The following TBC1D5 variants were observed in gnomAD, a reference collection of about 807,000 sequenced individuals.
The protein encoded by TBC1D5 is TBC1 domain family member 5, also known as TBC1 domain family, member 5.
In TBC1D5, 75 loss-of-function variants were observed where a neutral mutation model predicts 100.3. The observed-to-expected ratio is 0.75, with a 90% CI of 0.62 to 0.91. TBC1D5 has a LOEUF of 0.91. Among genes scored for constraint, TBC1D5 ranks in the 40% least tolerant of loss-of-function variants. The pLI is 0.00. For missense variants in TBC1D5, 910 were observed against 942.4 expected, an observed-to-expected ratio of 0.97 and a Z score of 0.45; for synonymous variants, 323 against 325.6, an observed-to-expected ratio of 0.99 and a Z score of 0.09.
chr3:17,571,086 C>G (rs1447067171), intron 2 of TBC1D5, among the ~76,000 whole-genome samples: 1 of 151,622 alleles, frequency 6.6e-6, no homozygotes, highest in Non-Finnish European at 1.5e-5. Flanking sequence ...TTTTCTTAGG[C>G]TATAAGAGAA....
At chr3:17,501,070 A>G (rs2095782737) in intron 3 of TBC1D5, among the ~76,000 whole-genome samples, 1 of 149,694 alleles carries the variant, frequency 6.7e-6, no homozygotes, top group Admixed American at 6.6e-5. Context: ...TGCATTCAGA[A>G]ACTTCCAGGT....
At chr3:17,570,644 T>G (rs1166437736) in intron 2 of TBC1D5, among the ~76,000 whole-genome samples, 1 of 152,016 alleles carries the variant, frequency 6.6e-6, no homozygotes, top group Non-Finnish European at 1.5e-5. Context: ...AAGTTGCAGA[T>G]GTTATTCTAC....
At chr3:17,706,587 ACT>A (rs1269658716) in intron 1 of TBC1D5, among the ~76,000 whole-genome samples, 1 of 152,092 alleles carries the variant, frequency 6.6e-6, no homozygotes, top group Non-Finnish European at 1.5e-5. Flanking sequence ...TTAAGGATTA[ACT>A]CTACTATTAC....
At chr3:17,602,560 G>C (rs988346623) in intron 2 of TBC1D5, among the ~76,000 whole-genome samples, 4 of 114,098 alleles carry the variant, frequency 3.5e-5, no homozygotes, top group Admixed American at 9.1e-5. Context: ...GAGAGAATCA[G>C]ATTTTTTTTT....
chr3:17,479,131 C>T (rs546956560), intron 3 of TBC1D5, among the ~76,000 whole-genome samples: 9 of 152,144 alleles, frequency 5.9e-5, no homozygotes, highest in South Asian at 4.1e-4. Context: ...CTGGACGTGG[C>T]GGCTCACATC....
At chr3:17,735,161 A>G (rs1421423230) in intron 1 of TBC1D5, among the ~76,000 whole-genome samples, 1 of 152,164 alleles carries the variant, frequency 6.6e-6, no homozygotes, top group Non-Finnish European at 1.5e-5. Flanking sequence ...ACCCATAACA[A>G]TTTCTCCTAA....
chr3:17,687,055 G>A lies in TBC1D5; in HGVS notation c.-101+52288C>T, dbSNP rs193179149. Among the ~76,000 whole-genome samples, 153 of 152,198 alleles carry A rather than the reference G, an allele frequency of 1.0e-3. 2 individuals are homozygous for A. In the South Asian group the frequency reaches 0.018, roughly 18 times the overall value. Reference sequence around the variant, plus strand: ...GTGAAATATCCTGGATAAAAAAAGTGTATCCTTGGGAGACCGGGTATATGG... The same window carrying A: ...GTGAAATATCCTGGATAAAAAAAGTATATCCTTGGGAGACCGGGTATATGG... On this transcript the variant is annotated intron_variant, in intron 1 of 21. Transcript: ENST00000253692.
intron 13 of TBC1D5, among the ~76,000 whole-genome samples, chr3:17,341,502 C>A (rs768224458): frequency 4.6e-5 from 7 of 152,066 alleles, no homozygotes; most frequent in Non-Finnish European, 8.8e-5. Flanking sequence ...GGCCTAAAAT[C>A]TGAATTCTTA....
At chr3:17,627,323 A>T (rs1168709872) in intron 1 of TBC1D5, among the ~76,000 whole-genome samples, 1 of 152,252 alleles carries the variant, frequency 6.6e-6, no homozygotes, top group East Asian at 1.9e-4. Flanking sequence ...GGACAGAGGG[A>T]TGGAAACATA....
intron 2 of TBC1D5, among the ~76,000 whole-genome samples, chr3:17,580,178 A>C (rs888169494): frequency 1.3e-5 from 2 of 152,162 alleles, no homozygotes; most frequent in Non-Finnish European, 2.9e-5. Context: ...CTGCAGCTTG[A>C]TGGTTCTCCA....
chr3:17,340,119 G>C (rs939212470), intron 13 of TBC1D5, among the ~76,000 whole-genome samples: 1 of 152,294 alleles, frequency 6.6e-6, no homozygotes, highest in South Asian at 2.1e-4. Flanking sequence ...GAGCTCCCCA[G>C]ATGGAAGTGA....
At chr3:17,294,710 G>A (rs980926803) in intron 14 of TBC1D5, among the ~76,000 whole-genome samples, 6 of 152,206 alleles carry the variant, frequency 3.9e-5, no homozygotes, top group Admixed American at 1.3e-4. Context: ...CAGAGACTAT[G>A]CTAGGCACCT....
intron 1 of TBC1D5, among the ~76,000 whole-genome samples, chr3:17,667,960 C>A (rs1434465269): frequency 6.6e-6 from 1 of 151,432 alleles, no homozygotes; most frequent in African/African-American, 2.4e-5. Flanking sequence ...AAACCATAAA[C>A]AACCACTGAC....
intron 1 of TBC1D5, among the ~76,000 whole-genome samples, chr3:17,671,231 A>G (rs2067899938): frequency 6.6e-6 from 1 of 152,236 alleles, no homozygotes; most frequent in South Asian, 2.1e-4. Context: ...TACAATACAG[A>G]TGCAGAAGGA....
At chr3:17,278,831 T>C (rs1038522732) in intron 15 of TBC1D5, among the ~76,000 whole-genome samples, 11 of 152,222 alleles carry the variant, frequency 7.2e-5, no homozygotes, top group African/African-American at 2.7e-4. Flanking sequence ...AGGTGTTGTG[T>C]TTCTGTGTTT....
chr3:17,701,470 T>TATA (rs777595130), intron 1 of TBC1D5, among the ~76,000 whole-genome samples: 1 of 151,864 alleles, frequency 6.6e-6, no homozygotes, highest in Non-Finnish European at 1.5e-5. Context: ...GAACTTAAAG[T>TATA]ATAATAATAA....
chr3:17,446,497 A>C (rs2094798226), intron 3 of TBC1D5, among the ~76,000 whole-genome samples: 1 of 152,210 alleles, frequency 6.6e-6, no homozygotes, highest in African/African-American at 2.4e-5. Flanking sequence ...TTGGAAGAAA[A>C]TATCACAAAT....
At chr3:17,615,484 G>A (rs1225499495) in intron 2 of TBC1D5, among the ~76,000 whole-genome samples, 1 of 152,108 alleles carries the variant, frequency 6.6e-6, no homozygotes, top group Non-Finnish European at 1.5e-5. Flanking sequence ...TGTACCTCTG[G>A]TAGAATTCAG....
At chr3:17,687,256 A>G (rs984517413) in intron 1 of TBC1D5, among the ~76,000 whole-genome samples, 2 of 152,154 alleles carry the variant, frequency 1.3e-5, no homozygotes, top group African/African-American at 4.8e-5. Context: ...AAAATTTCAT[A>G]TATCAAAATG....
Sources: allele counts gnomAD v4.1 joint callset (sites outside exome capture counted in the v4.1 genomes callset), GRCh38; gene constraint gnomAD v4.1.1; transcripts MANE v1.5; gene names NCBI Gene and HGNC (gene_info 2026-07-23, HGNC 2026-07-21).